The following NCKAP5 variants were observed in gnomAD, a reference collection of about 807,000 sequenced individuals.
NCKAP5 encodes nck-associated protein 5.
A neutral mutation model predicts 167.0 loss-of-function variants in NCKAP5; 92 were observed. The observed-to-expected ratio is 0.55, with a 90% CI of 0.47 to 0.66. The LOEUF (loss-of-function observed/expected upper bound fraction) is 0.66. Among genes scored for constraint, NCKAP5 ranks in the 30% least tolerant of loss-of-function variants. The pLI is 0.00. For missense variants in NCKAP5, 2,378 were observed against 2,315.0 expected (o/e 1.03, Z -0.56); for synonymous variants, 891 against 877.4 (o/e 1.02, Z -0.27).
At chr2:133,233,279 C>G (rs1256598933) in intron 4 of NCKAP5, among the ~76,000 whole-genome samples, 5 of 152,148 alleles carry the variant, frequency 3.3e-5, no homozygotes, top group African/African-American at 1.2e-4. Context: ...GATATGGTCC[C>G]TGCCCTCCGA....
chr2:133,396,071 A>C (rs959686040), intron 3 of NCKAP5, among the ~76,000 whole-genome samples: 3 of 152,042 alleles, frequency 2.0e-5, no homozygotes, highest in African/African-American at 7.2e-5. Flanking sequence ...TCAATCACCA[A>C]CACATGTAAA....
intron 3 of NCKAP5, among the ~76,000 whole-genome samples, chr2:133,462,774 G>A (rs138697454): frequency 6.6e-6 from 1 of 152,242 alleles, no homozygotes; most frequent in African/African-American, 2.4e-5. Context: ...ATTGCCAGTT[G>A]GAATTGAGAC....
chr2:133,082,291 G>T (rs2080836316), intron 6 of NCKAP5, among the ~76,000 whole-genome samples: 2 of 152,094 alleles, frequency 1.3e-5, no homozygotes, highest in African/African-American at 4.8e-5. Context: ...AGCACACACA[G>T]GTTAAAGACT....
chr2:133,255,393 G>A (rs548413531), intron 4 of NCKAP5, among the ~76,000 whole-genome samples: 61 of 152,200 alleles, frequency 4.0e-4, no homozygotes, highest in African/African-American at 1.4e-3. Flanking sequence ...TAATATTTTT[G>A]GAAGCAAAGC....
chr2:133,393,061 A>C (rs1377208368), intron 3 of NCKAP5, among the ~76,000 whole-genome samples: 1 of 152,238 alleles, frequency 6.6e-6, no homozygotes, highest in Non-Finnish European at 1.5e-5. Flanking sequence ...ATCAAGAGCC[A>C]CTGACCGATT....
At chr2:132,894,054 G>A (rs765217274) in intron 8 of NCKAP5, among the ~76,000 whole-genome samples, 4 of 152,150 alleles carry the variant, frequency 2.6e-5, no homozygotes, top group Non-Finnish European at 1.5e-5. Flanking sequence ...ACACTGAGGC[G>A]GATGGAGCCA....
intron 16 of NCKAP5, among the ~76,000 whole-genome samples, chr2:132,755,529 C>A (rs942330616): frequency 6.6e-6 from 1 of 152,000 alleles, no homozygotes; most frequent in Non-Finnish European, 1.5e-5. Context: ...CTCAGACAAC[C>A]CTTTTTAATA....
intron 3 of NCKAP5, among the ~76,000 whole-genome samples, chr2:133,385,495 G>T (rs1399214016): frequency 6.6e-6 from 1 of 152,124 alleles, no homozygotes; most frequent in South Asian, 2.1e-4. Context: ...CAGGGATATT[G>T]GTCTAAAATT....
At chr2:133,206,203 T>G (rs887257796) in intron 5 of NCKAP5, among the ~76,000 whole-genome samples, 3 of 152,182 alleles carry the variant, frequency 2.0e-5, no homozygotes, top group Admixed American at 2.0e-4. Context: ...TTTATCAATT[T>G]AAGGAAATTT....
intron 15 of NCKAP5, among the ~76,000 whole-genome samples, chr2:132,779,724 T>G (rs189915867): frequency 6.6e-6 from 1 of 152,262 alleles, no homozygotes; most frequent in Non-Finnish European, 1.5e-5. Flanking sequence ...AAACATCCAT[T>G]TCTCTCAAAT....
At chr2:133,642,251 C>T in the NCKAP5 span, among the ~76,000 whole-genome samples, 2 of 152,162 alleles carry the variant, frequency 1.3e-5, no homozygotes, top group Non-Finnish European at 2.9e-5. Context: ...ACAGGATCAC[C>T]TCCATGACAC....
intron 11 of NCKAP5, among the ~76,000 whole-genome samples, chr2:132,819,303 C>T (rs1391715748): frequency 2.0e-5 from 3 of 152,148 alleles, no homozygotes; most frequent in African/African-American, 4.8e-5. Flanking sequence ...GAGGAACTTA[C>T]GTTAATTCAA....
chr2:133,512,651 G>C (rs991722436), intron 3 of NCKAP5, among the ~76,000 whole-genome samples: 4 of 152,154 alleles, frequency 2.6e-5, no homozygotes, highest in Non-Finnish European at 4.4e-5. Flanking sequence ...TCACTAAATA[G>C]AGGGGAAATA....
Position 132,783,915 on chromosome 2 carries a change from T to C in NCKAP5, c.2896A>G (p.Arg966Gly), listed in dbSNP as rs1683302183. 1 of 1,562,678 alleles carries C rather than the reference T, an allele frequency of 6.4e-7. No individual in the cohort carries two copies. Among genetic ancestry groups the C allele is most frequent in the South Asian group, 1.2e-5 (1 of 81,376 alleles). The change falls in exon 14 of 20, where the codon AGG becomes GGG. Residue 966 changes from arginine (R) to glycine (G), a missense_variant. Arg to Gly is a moderately radical substitution (Grantham distance 125, BLOSUM62 -2). This residue lies in a region of NCKAP5 where 1,325 missense variants were observed against 1,274.5 expected (regional missense o/e 1.04). Coordinates refer to ENST00000409261, the MANE Select transcript of NCKAP5 (RefSeq NM_207363.3). The part of the protein sequence containing the change: ...SETRVPSETA[R>G]TPFKSPLLKG... The stretch of plus-strand genomic sequence containing the variant: ...AGCAGCGGGGATTTGAATGGGGTCC[T>C]TGCTGTTTCACTGGGGACCCTGGTT...
intron 3 of NCKAP5, among the ~76,000 whole-genome samples, chr2:133,356,110 A>G (rs186151272): frequency 9.5e-4 from 145 of 152,106 alleles, no homozygotes; most frequent in Non-Finnish European, 1.8e-3. Context: ...GATTTTTGAT[A>G]GAGATGGGGT....
chr2:133,014,339 C>T (rs544539893), intron 6 of NCKAP5, among the ~76,000 whole-genome samples: 70 of 152,178 alleles, frequency 4.6e-4, no homozygotes, highest in Non-Finnish European at 9.4e-4. Context: ...CATTTTCCCT[C>T]GTAGAATGTG....
chr2:133,620,534 T>G, the NCKAP5 span, among the ~76,000 whole-genome samples: 1 of 152,112 alleles, frequency 6.6e-6, no homozygotes, highest in Non-Finnish European at 1.5e-5. Flanking sequence ...ACAAGGTCAT[T>G]ATATAGTGAC....
the NCKAP5 span, among the ~76,000 whole-genome samples, chr2:133,602,412 G>A: frequency 3.9e-5 from 6 of 152,172 alleles, no homozygotes; most frequent in Admixed American, 3.3e-4. Context: ...GGCTGTAGAC[G>A]CTGCTGAGTG....
chr2:132,762,767 C>A (rs2104869436), intron 16 of NCKAP5, among the ~76,000 whole-genome samples: 1 of 152,320 alleles, frequency 6.6e-6, no homozygotes, highest in Middle Eastern at 3.4e-3. Flanking sequence ...ATGGCTCATT[C>A]TTTTAGGGTC....
Sources: allele counts gnomAD v4.1 joint callset (sites outside exome capture counted in the v4.1 genomes callset), GRCh38; gene constraint gnomAD v4.1.1; regional missense constraint gnomAD v4.1.1; transcripts MANE v1.5; gene names NCBI Gene and HGNC (gene_info 2026-07-23, HGNC 2026-07-21).